The following TP73 variants were observed in gnomAD, a reference collection of about 807,000 sequenced individuals.
TP73 encodes the protein tumor protein p73.
Under a neutral mutation model 62.5 loss-of-function variants are expected in TP73, and 25 were observed. That is an observed-to-expected ratio of 0.40 (90% CI 0.29 to 0.56). TP73 has a LOEUF of 0.56. Among genes scored for constraint, TP73 ranks in the 20% least tolerant of loss-of-function variants. The pLI is 0.46. For missense variants in TP73, 754 were observed against 913.3 expected (o/e 0.83, Z 2.25); for synonymous variants, 423 against 377.5 (o/e 1.12, Z -1.40).
Position 3,662,643 on chromosome 1 carries a change from G to T in TP73, c.-34+10002G>T, listed in dbSNP as rs566987100. Among the ~76,000 whole-genome samples, 4 of 152,344 alleles carry T rather than the reference G, an allele frequency of 2.6e-5. No individual in the cohort carries two copies. The South Asian group carries it at 8.3e-4, about 32-fold the overall frequency. On this transcript the variant is annotated intron_variant, in intron 1 of 13. Transcript: ENST00000378295. The surrounding 1 kb of genome is among the most constrained non-coding windows in gnomAD (Gnocchi z 4.4). ...TGTGTCTGCAGTTACTCGAAATAAT[G>T]GATATACCCAAGGCATGTTTGGGGT... is the stretch of plus-strand genomic sequence containing the variant.
At chr1:3,719,913 T>TGTGTGTTC (rs1305854128) in intron 4 of TP73, among the ~76,000 whole-genome samples, 3 of 151,216 alleles carry the variant, frequency 2.0e-5, no homozygotes, top group African/African-American at 4.9e-5. Flanking sequence ...TGTGTGTGTG[T>TGTGTGTTC]GTGTGTGTGT....
At chr1:3,669,543 G>A (rs1454421527) in intron 1 of TP73, among the ~76,000 whole-genome samples, 2 of 152,234 alleles carry the variant, frequency 1.3e-5, no homozygotes. Flanking sequence ...GCACGTCCGG[G>A]GGCTTCCCGG....
At chr1:3,689,178 G>A (rs916824392) in intron 3 of TP73, among the ~76,000 whole-genome samples, 1 of 152,082 alleles carries the variant, frequency 6.6e-6, no homozygotes, top group Admixed American at 6.5e-5. Context: ...GAGTCTCCTA[G>A]TGCTCGCCCT....
rs535166557 is a variant in TP73 at position 3,687,830 on chromosome 1, C to T, written c.186+4650C>T. Among the ~76,000 whole-genome samples, 16 of 152,252 alleles carry T rather than the reference C, an allele frequency of 1.1e-4. No individual in the cohort carries two copies. The South Asian group carries it at 3.3e-3, about 32-fold the overall frequency. ...CAGGTGGGCCACAGAGCGGGGTCTA[C>T]AGCTGGTGGGGCAGAAGGCAGGCTG... On this transcript the variant is annotated intron_variant, in intron 3 of 13. Coordinates refer to ENST00000378295, the MANE Select transcript of TP73 (RefSeq NM_005427.4).
chr1:3,722,984 C>T (rs1641211723), intron 5 of TP73, among the ~76,000 whole-genome samples: 1 of 143,354 alleles, frequency 7.0e-6, no homozygotes, highest in Non-Finnish European at 1.5e-5. Flanking sequence ...GGCACCTCTG[C>T]ATCTGGCATG....
chr1:3,708,948 C>G (rs192763251), intron 4 of TP73, among the ~76,000 whole-genome samples: 3,471 of 152,354 alleles, frequency 0.023, 61 homozygotes, highest in Non-Finnish European at 0.035. Context: ...ATTCCCACCC[C>G]CTGTCGGGAG....
intron 3 of TP73, among the ~76,000 whole-genome samples, chr1:3,689,608 G>A (rs1645756022): frequency 6.6e-6 from 1 of 152,162 alleles, no homozygotes; most frequent in African/African-American, 2.4e-5. Context: ...GGGGTGGGGA[G>A]CGATGAGGCC....
rs541555194 is a variant in TP73, at chr1:3,663,360, C to T, written c.-34+10719C>T. On this transcript the variant is annotated intron_variant, in intron 1 of 13. Transcript: ENST00000378295. The surrounding 1 kb of genome is among the most constrained non-coding windows in gnomAD (Gnocchi z 4.7). ...CTTGAGAATGGAACACCCATCGAAC[C>T]GGGGAACTCTGCATATTTTCCTCCT... Among the ~76,000 whole-genome samples, 9 of 152,336 alleles carry T rather than the reference C, an allele frequency of 5.9e-5. No individual in the cohort carries two copies. Among genetic ancestry groups the T allele is most frequent in the Admixed American group, 2.0e-4 (3 of 15,300 alleles).
intron 3 of TP73, among the ~76,000 whole-genome samples, chr1:3,685,617 AAGAC>A (rs896397941): frequency 1.3e-5 from 2 of 152,172 alleles, no homozygotes; most frequent in Admixed American, 6.5e-5. Flanking sequence ...GCCAGGTACA[AAGAC>A]AGAGACTCCG....
intron 1 of TP73, among the ~76,000 whole-genome samples, chr1:3,669,609 C>G (rs1224721057): frequency 6.6e-6 from 1 of 152,270 alleles, no homozygotes; most frequent in Non-Finnish European, 1.5e-5. Context: ...CCAGTTCTCC[C>G]CAGCCCCCTC....
intron 4 of TP73, among the ~76,000 whole-genome samples, chr1:3,711,796 G>A (rs572392457): frequency 2.6e-5 from 4 of 152,288 alleles, no homozygotes; most frequent in East Asian, 1.9e-4. Flanking sequence ...CCCCCTGAGT[G>A]CCCTCCAGCT....
In TP73 at chr1:3,670,976, G is replaced by C. The variant is rs1645227150; in HGVS notation, c.-33-11357G>C. 6.6e-6 allele frequency among the ~76,000 whole-genome samples: 1 copy of C among 152,352 alleles called. No homozygotes were observed. Among genetic ancestry groups the C allele is most frequent in the East Asian group, 1.9e-4 (1 of 5,188 alleles). On this transcript the variant is annotated intron_variant, in intron 1 of 13. Coordinates refer to ENST00000378295, the MANE Select transcript of TP73 (RefSeq NM_005427.4). This position sits in a 1 kb window ranked among gnomAD's most constrained non-coding sequence, Gnocchi z 5.9. ...TCTCCATGCGATGGGTGCTGGGAGG[G>C]AGGAGCCCTGGCAGGTCTGGGGAAG...
At chr1:3,676,493 C>T (rs1016851684) in intron 1 of TP73, among the ~76,000 whole-genome samples, 1 of 137,998 alleles carries the variant, frequency 7.2e-6, no homozygotes, top group Non-Finnish European at 1.6e-5. Context: ...ATGCTTGGGA[C>T]AGGGCAGGGG....
At chr1:3,715,201 C>T (rs1258695882) in intron 4 of TP73, among the ~76,000 whole-genome samples, 1 of 152,174 alleles carries the variant, frequency 6.6e-6, no homozygotes, top group Non-Finnish European at 1.5e-5. Flanking sequence ...TGTTGTTCCC[C>T]TTACCCCTAA....
intron 3 of TP73, among the ~76,000 whole-genome samples, chr1:3,697,408 G>A (rs1638765497): frequency 6.6e-6 from 1 of 152,192 alleles, no homozygotes; most frequent in Non-Finnish European, 1.5e-5. Flanking sequence ...CTGGTCCCCA[G>A]CCTGGAAACA....
chr1:3,679,854 T>C (rs960930657), intron 1 of TP73, among the ~76,000 whole-genome samples: 2 of 151,476 alleles, frequency 1.3e-5, no homozygotes, highest in Non-Finnish European at 3.0e-5. Flanking sequence ...TCTCTCTGTC[T>C]CTCTTTGTCC....
intron 4 of TP73, among the ~76,000 whole-genome samples, chr1:3,718,831 C>A (rs1285053721): frequency 1.3e-5 from 2 of 152,154 alleles, no homozygotes; most frequent in Non-Finnish European, 2.9e-5. Context: ...GACTCAGCCC[C>A]GGAAAGGGAA....
At position 3,663,183 on chromosome 1, in the gene TP73, G is replaced by A. The variant is rs917137357; in HGVS notation, c.-34+10542G>A. On this transcript the variant is annotated intron_variant, in intron 1 of 13. Coordinates refer to ENST00000378295, the MANE Select transcript of TP73 (RefSeq NM_005427.4). This position sits in a 1 kb window ranked among gnomAD's most constrained non-coding sequence, Gnocchi z 4.7. ...GGGAGAAGGGGCCTCTCTTCTTCAC[G>A]AGGCTGGTGGCTGCGGCACCTACAA... 1.3e-5 allele frequency among the ~76,000 whole-genome samples: 2 copies of A among 152,178 alleles called. No homozygotes were observed. Among genetic ancestry groups the A allele is most frequent in the Non-Finnish European group, 1.5e-5 (1 of 68,038 alleles).
chr1:3,683,008 G>A lies in TP73; in HGVS notation c.66-52G>A, dbSNP rs1645560447. The A allele has an allele frequency of 1.9e-6, 3 of 1,567,958 alleles. No homozygotes were observed. In the South Asian group the frequency reaches 3.5e-5, roughly 18 times the overall value. ...GAGCTCTGGGCCTGGGAGGTATTGG[G>A]GTGACACCCAAACTGGGGACTGACG... On this transcript the variant is annotated intron_variant, in intron 2 of 13. Transcript: ENST00000378295.
Sources: gnomAD v4.1 joint callset for allele counts (sites outside exome capture counted in the v4.1 genomes callset) on GRCh38, gnomAD v4.1.1 for gene constraint, Gnocchi (gnomAD v3.1) non-coding constraint, MANE v1.5 for transcripts, NCBI Gene and HGNC (gene_info 2026-07-23, HGNC 2026-07-21) for gene names.